ARMC2: variants seen among roughly 807,000 people sequenced by gnomAD.
The protein encoded by ARMC2 is armadillo repeat-containing protein 2.
Under a neutral mutation model 90.3 loss-of-function variants are expected in ARMC2, and 67 were observed. That is an observed-to-expected ratio of 0.74 (90% CI 0.61 to 0.91). ARMC2 has a LOEUF of 0.91. ARMC2 is among the 40% of genes least tolerant of loss of function. The pLI is 0.00. For missense variants in ARMC2, 920 were observed against 1,030.9 expected (o/e 0.89, Z 1.47); for synonymous variants, 393 against 393.0 (o/e 1.00, Z 0.00).
At chr6:108,856,533 C>T in intron 2 of ARMC2, 1 of 223,226 alleles carries the variant, frequency 4.5e-6, no homozygotes, top group East Asian at 1.1e-4. Flanking sequence ...GTGTTCAGCT[C>T]AAAGGGCCTC....
At chr6:108,998,804 A>G in the ARMC2 span, 1 of 1,550,830 alleles carries the variant, frequency 6.4e-7, no homozygotes, top group African/African-American at 1.4e-5. Flanking sequence ...GGGTGTGGTA[A>G]AAGTATACAG....
At chr6:108,961,762 CAG>C (rs1028317704) in intron 14 of ARMC2, 68 bp downstream of exon 14, 272 of 1,483,484 alleles carry the variant, frequency 1.8e-4, no homozygotes, top group Non-Finnish European at 2.2e-4. Flanking sequence ...TAACTAAACA[CAG>C]AGCAGGAGAC....
chr6:108,987,490 T>G, the ARMC2 span: 3 of 999,132 alleles, frequency 3.0e-6, no homozygotes, highest in Non-Finnish European at 4.7e-6. Flanking sequence ...ACCTTCCCCC[T>G]TGTAGACTAT....
At chr6:109,044,558 A>G in the ARMC2 span, among the ~76,000 whole-genome samples, 1 of 152,080 alleles carries the variant, frequency 6.6e-6, no homozygotes, top group East Asian at 1.9e-4. Flanking sequence ...AAGAAAACAT[A>G]AGAGAATATC....
rs768783288 is a variant in ARMC2 at position 108,854,421 on chromosome 6, C to G, written c.154C>G (p.Gln52Glu). The change falls in exon 2 of 18, where the codon CAA (glutamine) becomes GAA (glutamate). Residue 52 changes from glutamine (Q) to glutamate (E), a missense_variant. Coordinates refer to ENST00000392644, the MANE Select transcript of ARMC2 (RefSeq NM_032131.6). ...TQRPFTPQEA[Q>E]RKLFGPASSR... is the part of the protein sequence containing the mutation. ...AAGACCATTTACACCACAGGAGGCT[C>G]AAAGAAAACTATTCGGACCTGCATC... is the stretch of plus-strand genomic sequence containing the variant. The G allele has an allele frequency of 6.2e-7, 1 of 1,613,500 alleles. No homozygotes were observed. The highest frequency in any genetic ancestry group is 1.7e-5 in the Admixed American group (1 of 59,968).
chr6:108,908,315 G>A (rs745803181), intron 8 of ARMC2, among the ~76,000 whole-genome samples: 2 of 152,192 alleles, frequency 1.3e-5, no homozygotes, highest in Non-Finnish European at 2.9e-5. Flanking sequence ...TGCCCCACAG[G>A]CAGTGCTCCC....
At chr6:108,991,797 T>C in the ARMC2 span, among the ~76,000 whole-genome samples, 2 of 152,300 alleles carry the variant, frequency 1.3e-5, no homozygotes, top group South Asian at 4.1e-4. Context: ...GTAAACTACT[T>C]TGACATTTAA....
intron 8 of ARMC2, among the ~76,000 whole-genome samples, chr6:108,909,124 C>A (rs1417387069): frequency 8.5e-5 from 13 of 152,178 alleles, no homozygotes; most frequent in Non-Finnish European, 1.5e-4. Context: ...ATAAACTAAT[C>A]ACCTATATGC....
intron 4 of ARMC2, among the ~76,000 whole-genome samples, chr6:108,872,858 G>C (rs1776563489): frequency 6.6e-6 from 1 of 152,168 alleles, no homozygotes; most frequent in African/African-American, 2.4e-5. Flanking sequence ...TTTGGAAAAA[G>C]GGTTCAGTGC....
downstream of ARMC2, among the ~76,000 whole-genome samples, chr6:108,977,109 T>G (rs1467090831): frequency 6.6e-6 from 1 of 152,218 alleles, no homozygotes; most frequent in Non-Finnish European, 1.5e-5. Context: ...TTCCAGCTTT[T>G]GCCCATTCAG....
chr6:108,946,042 T>C (rs551973174), intron 12 of ARMC2, among the ~76,000 whole-genome samples: 1 of 152,354 alleles, frequency 6.6e-6, no homozygotes, highest in African/African-American at 2.4e-5. Context: ...GCTCCTTTTT[T>C]CAGCCTTGGC....
chr6:109,030,138 T>C, the ARMC2 span, among the ~76,000 whole-genome samples: 1 of 152,180 alleles, frequency 6.6e-6, no homozygotes, highest in Non-Finnish European at 1.5e-5. Flanking sequence ...CTCCACTGTC[T>C]AGTCCTGTGT....
At chr6:108,849,290 G>A (rs939246776) in intron 1 of ARMC2, among the ~76,000 whole-genome samples, 1 of 152,038 alleles carries the variant, frequency 6.6e-6, no homozygotes, top group Non-Finnish European at 1.5e-5. Flanking sequence ...TATTTATCCT[G>A]GTTTCTTAAT....
the ARMC2 span, among the ~76,000 whole-genome samples, chr6:109,034,044 G>A: frequency 6.6e-6 from 1 of 152,182 alleles, no homozygotes; most frequent in African/African-American, 2.4e-5. Flanking sequence ...GAGAGCCACA[G>A]GATTACATGA....
chr6:109,004,774 A>T, the ARMC2 span, among the ~76,000 whole-genome samples: 1 of 152,324 alleles, frequency 6.6e-6, no homozygotes, highest in Non-Finnish European at 1.5e-5. Flanking sequence ...TTCAAGGAAA[A>T]GAAAATACAA....
intron 4 of ARMC2, among the ~76,000 whole-genome samples, chr6:108,870,113 A>G (rs1382914472): frequency 6.6e-6 from 1 of 152,152 alleles, no homozygotes. Context: ...CCCTCCATCA[A>G]CAAGATTTGA....
At chr6:108,858,413 A>T (rs889672005) in intron 3 of ARMC2, 142 bp downstream of exon 3, 3 of 474,662 alleles carry the variant, frequency 6.3e-6, no homozygotes, top group African/African-American at 3.9e-5. Context: ...ATGAAAACAG[A>T]TTCTTTTATA....
At chr6:108,958,333 G>A (rs376225279) in intron 13 of ARMC2, among the ~76,000 whole-genome samples, 12 of 152,242 alleles carry the variant, frequency 7.9e-5, no homozygotes, top group Admixed American at 3.3e-4. Context: ...TGCACCTTTC[G>A]AGAATGAATT....
At chr6:108,884,465 G>A (rs941579121) in intron 5 of ARMC2, among the ~76,000 whole-genome samples, 4 of 152,228 alleles carry the variant, frequency 2.6e-5, no homozygotes, top group African/African-American at 9.6e-5. Context: ...AAATTTAGAG[G>A]TCAGAGCAGC....
Sources: gnomAD v4.1 joint callset for allele counts (sites outside exome capture counted in the v4.1 genomes callset) on GRCh38, gnomAD v4.1.1 for gene constraint, MANE v1.5 for transcripts, NCBI Gene and HGNC (gene_info 2026-07-23, HGNC 2026-07-21) for gene names.